LNPEP: variants seen among roughly 807,000 people sequenced by gnomAD.
The protein encoded by LNPEP is leucyl and cystinyl aminopeptidase.
In LNPEP, 64 loss-of-function variants were observed where a neutral mutation model predicts 120.6. The ratio of observed to expected loss-of-function variants is 0.53; its 90% CI spans 0.43 to 0.65. The LOEUF is 0.65. Ranked by LOEUF, LNPEP falls within the 30% of genes least tolerant of loss-of-function variation. LNPEP has a pLI of 0.00. For synonymous variants in LNPEP, 435 were observed against 425.4 expected (o/e 1.02, Z -0.28); for missense variants, 1,057 against 1,200.0 (o/e 0.88, Z 1.76).
At chr5:96,960,820 T>TAGAC (rs33965025) in intron 1 of LNPEP, among the ~76,000 whole-genome samples, 6 of 92 alleles carry the variant, frequency 0.065, no homozygotes, top group South Asian at 0.25. Flanking sequence ...AAAAAGAGAG[T>TAGAC]AGTTTTTTTC....
chr5:96,988,845 T>C (rs751297364), intron 4 of LNPEP, among the ~76,000 whole-genome samples: 4 of 151,992 alleles, frequency 2.6e-5, no homozygotes, highest in Non-Finnish European at 4.4e-5. Context: ...ACTCCTGGGC[T>C]CAAGCAATCC....
At chr5:97,012,336 A>T in intron 11 of LNPEP, among the ~76,000 whole-genome samples, 1 of 152,148 alleles carries the variant, frequency 6.6e-6, no homozygotes, top group East Asian at 1.9e-4. Flanking sequence ...CTGAGTTTAG[A>T]TTATTCTTAT....
Position 96,979,690 on chromosome 5 carries a change from G to T in LNPEP, c.572G>T (p.Arg191Met). 1 of 1,614,050 alleles carries T rather than the reference G, an allele frequency of 6.2e-7. No homozygotes were observed. Among genetic ancestry groups the T allele is most frequent in the South Asian group, 1.1e-5 (1 of 91,082 alleles). The change falls in exon 2 of 18, where the codon AGG (arginine) becomes ATG (methionine). Residue 191 changes from arginine (R) to methionine (M), a missense_variant. Physicochemically the swap from Arg to Met is moderately conservative, Grantham distance 91 (BLOSUM62 -1). Transcript: ENST00000231368. ...CCGAACCTAACCTCGATGACATTCA[G>T]GGGTTCTGTGACAATTTCAGTTCAG... ...LHPNLTSMTF[R>M]GSVTISVQAL...
intron 16 of LNPEP, 71 bp downstream of exon 16, chr5:97,026,828 T>G (rs1791351775): frequency 7.4e-7 from 1 of 1,348,724 alleles, no homozygotes. Flanking sequence ...TCCCAGTGTT[T>G]TGGCTCACAG....
intron 14 of LNPEP, among the ~76,000 whole-genome samples, chr5:97,023,005 A>G (rs1262164145): frequency 2.1e-5 from 3 of 140,922 alleles, no homozygotes; most frequent in Admixed American, 7.2e-5. Context: ...ATTGTGTACT[A>G]TATTTTCAGA....
intron 1 of LNPEP, among the ~76,000 whole-genome samples, chr5:96,953,281 C>T (rs1039554111): frequency 6.6e-6 from 1 of 152,180 alleles, no homozygotes. Context: ...GAGCTTGACC[C>T]TCGCATTCCT....
intron 1 of LNPEP, among the ~76,000 whole-genome samples, chr5:96,941,580 G>A (rs1219709454): frequency 1.3e-5 from 2 of 152,172 alleles, no homozygotes; most frequent in African/African-American, 4.8e-5. Flanking sequence ...TGGAGCCCTT[G>A]TGGTGGTACA....
At chr5:96,996,016 A>C (rs1024524380) in intron 6 of LNPEP, 1 of 159,450 alleles carries the variant, frequency 6.3e-6, no homozygotes, top group Non-Finnish European at 1.4e-5. Context: ...CTAACTTGAT[A>C]TTAGAAGGTA....
chr5:96,990,723 C>A (rs572185211), intron 4 of LNPEP, among the ~76,000 whole-genome samples: 17 of 152,136 alleles, frequency 1.1e-4, no homozygotes, highest in African/African-American at 4.1e-4. Flanking sequence ...GAGATTTGAA[C>A]CCCAGCACTG....
chr5:97,025,430 A>G (rs1174755247), intron 15 of LNPEP, among the ~76,000 whole-genome samples: 1 of 152,236 alleles, frequency 6.6e-6, no homozygotes, highest in African/African-American at 2.4e-5. Context: ...CATTTTCTTT[A>G]AAGTATTAGC....
rs1243970945 is a variant in LNPEP at position 97,021,635 on chromosome 5, C to G, written c.2377-665C>G. On this transcript the variant is annotated intron_variant, in intron 13 of 17. Coordinates refer to ENST00000231368, the MANE Select transcript of LNPEP (RefSeq NM_005575.3). The stretch of plus-strand genomic sequence containing the variant: ...CTTCCAGCAGTGGTTATAAGTGATA[C>G]TTTTTGGCAGGAAAATAACTTCTAG... 5.3e-5 allele frequency among the ~76,000 whole-genome samples: 8 copies of G among 152,250 alleles called. No individual in the cohort carries two copies. The East Asian group carries it at 1.5e-3, about 29-fold the overall frequency.
chr5:96,940,941 G>A (rs1258136021), intron 1 of LNPEP, among the ~76,000 whole-genome samples: 1 of 152,196 alleles, frequency 6.6e-6, no homozygotes, highest in East Asian at 1.9e-4. Context: ...CTAAAGGGGA[G>A]AAGGTTTGGG....
Position 97,032,091 on chromosome 5 carries a change from C to T in LNPEP, c.*3558C>T, listed in dbSNP as rs1306590996. Reference sequence around the variant, plus strand: ...ATCTGAGATGAGCCACCTCCAAGGACAGCATTTCCTGGGCTGCAAAACTAG... The same window carrying T: ...ATCTGAGATGAGCCACCTCCAAGGATAGCATTTCCTGGGCTGCAAAACTAG... On this transcript the variant is annotated 3_prime_UTR_variant, in exon 18 of 18. Coordinates refer to ENST00000231368, the MANE Select transcript of LNPEP (RefSeq NM_005575.3). The T allele has an allele frequency of 6.6e-6, 1 of 152,130 alleles. No individual in the cohort carries two copies. Among genetic ancestry groups the T allele is most frequent in the Non-Finnish European group, 1.5e-5 (1 of 68,036 alleles). 9.4% of individuals were successfully genotyped at this position (152,130 alleles called of 1,614,324 possible).
intron 1 of LNPEP, among the ~76,000 whole-genome samples, chr5:96,941,319 G>A (rs1403095349): frequency 2.0e-5 from 3 of 152,166 alleles, no homozygotes; most frequent in Admixed American, 6.5e-5. Context: ...CACTCCTGCT[G>A]TGTGGCCTGA....
At chr5:96,956,360 T>C (rs1789465761) in intron 1 of LNPEP, among the ~76,000 whole-genome samples, 1 of 152,072 alleles carries the variant, frequency 6.6e-6, no homozygotes, top group South Asian at 2.1e-4. Flanking sequence ...CTGCCAAAAA[T>C]ACAAAAAATT....
At position 97,028,324 on chromosome 5, in the gene LNPEP, G is replaced by A. The variant is rs774664599; in HGVS notation, c.2947-78G>A. 5.2e-6 allele frequency: 7 copies of A among 1,354,280 alleles called. No individual in the cohort carries two copies. In the African/African-American group the frequency reaches 7.3e-5, roughly 14 times the overall value. 83.9% of individuals were successfully genotyped at this position (1,354,280 alleles called of 1,614,324 possible). Reference sequence around the variant, plus strand: ...GCAGCACAGCCATCACTAAGTTAAAGCTTATTTTAAAAGCTGGGGTTACCT... The same window carrying A: ...GCAGCACAGCCATCACTAAGTTAAAACTTATTTTAAAAGCTGGGGTTACCT... On this transcript the variant is annotated intron_variant, in intron 17 of 17. Coordinates refer to ENST00000231368, the MANE Select transcript of LNPEP (RefSeq NM_005575.3).
At chr5:96,951,707 A>C (rs1012694942) in intron 1 of LNPEP, among the ~76,000 whole-genome samples, 17 of 152,100 alleles carry the variant, frequency 1.1e-4, no homozygotes, top group Non-Finnish European at 2.2e-4. Context: ...AAGTTTTTGG[A>C]GTTTACATTC....
At chr5:97,024,740 T>C in intron 15 of LNPEP, 58 bp downstream of exon 15, 3 of 1,498,910 alleles carry the variant, frequency 2.0e-6, no homozygotes, top group East Asian at 2.3e-5. Context: ...AACACTGTGC[T>C]CTTGGTCAGG....
intron 11 of LNPEP, chr5:97,010,727 T>G: frequency 7.1e-6 from 7 of 985,362 alleles, no homozygotes; most frequent in Non-Finnish European, 8.4e-6. Context: ...TGCTACTCAA[T>G]AGACTGAAAA....
Sources: gnomAD v4.1 joint callset for allele counts (sites outside exome capture counted in the v4.1 genomes callset) on GRCh38, gnomAD v4.1.1 for gene constraint, MANE v1.5 for transcripts, NCBI Gene and HGNC (gene_info 2026-07-23, HGNC 2026-07-21) for gene names.